The following CACNA1A variants were observed in gnomAD, a reference collection of about 807,000 sequenced individuals.
The protein encoded by CACNA1A is voltage-dependent P/Q-type calcium channel subunit alpha-1A.
A neutral mutation model predicts 262.4 loss-of-function variants in CACNA1A; 57 were observed. The observed-to-expected ratio is 0.22, with a 90% CI of 0.18 to 0.27. CACNA1A has a LOEUF of 0.27. Among genes scored for constraint, CACNA1A ranks in the 10% least tolerant of loss-of-function variants. The pLI is 1.00. For synonymous variants in CACNA1A, 1,431 were observed against 1,419.3 expected (o/e 1.01, Z -0.18); for missense variants, 2,526 against 3,562.8 (o/e 0.71, Z 7.41).
rs2057937902 is a variant in CACNA1A, at chr19:13,307,828, G to A, written c.1940C>T (p.Pro647Leu). The A allele has an allele frequency of 6.2e-7, 1 of 1,613,966 alleles. No homozygotes were observed. Among genetic ancestry groups the A allele is most frequent in the South Asian group, 1.1e-5 (1 of 91,084 alleles). Residue 647 changes from proline to leucine, a missense_variant, in exon 15 of 47, where the codon CCC (proline) becomes CTC (leucine). Around this residue, in one of 17 missense-constraint regions of CACNA1A, gnomAD observed 102 missense variants for 278.9 expected, o/e 0.37. Coordinates refer to ENST00000360228, the MANE Select transcript of CACNA1A (RefSeq NM_001127222.2). Reference sequence around the variant, plus strand: ...TGCTGGAAAAGTATCGAAGTTGGTGGGAGGAGTCCCTTCATCGAAATTAAA... The same window carrying A: ...TGCTGGAAAAGTATCGAAGTTGGTGAGAGGAGTCCCTTCATCGAAATTAAA... ...GQFNFDEGTP[P>L]TNFDTFPAAI...
intron 34 of CACNA1A, among the ~76,000 whole-genome samples, chr19:13,234,068 G>T (rs8111448): frequency 0.24 from 30,185 of 127,918 alleles, 3,704 homozygotes; most frequent in Non-Finnish European, 0.27. Context: ...AAAAAAAAAG[G>T]GCTGGGCACG....
intron 38 of CACNA1A, among the ~76,000 whole-genome samples, chr19:13,223,765 A>G (rs1417163037): frequency 6.6e-6 from 1 of 152,120 alleles, no homozygotes; most frequent in East Asian, 1.9e-4. Context: ...TCCATGAGAC[A>G]CTGCCTTACC....
intron 6 of CACNA1A, among the ~76,000 whole-genome samples, chr19:13,345,952 G>C (rs1284540550): frequency 2.7e-5 from 4 of 145,608 alleles, no homozygotes; most frequent in Non-Finnish European, 6.0e-5. Context: ...CTAGGCTGGA[G>C]TGCAGTGGGG....
rs1444251671 is a variant in CACNA1A at position 13,208,919 on chromosome 19, T to C, written c.6617A>G (p.Lys2206Arg). 1.4e-5 allele frequency: 21 copies of C among 1,537,194 alleles called. No homozygotes were observed. Among genetic ancestry groups the C allele is most frequent in the Non-Finnish European group, 1.7e-5 (20 of 1,146,854 alleles). The change falls in exon 46 of 47, where the codon AAG (lysine) becomes AGG (arginine). Residue 2206 changes from lysine to arginine, a missense_variant. Lys to Arg is a conservative substitution (Grantham distance 26). Transcript: ENST00000360228. ...DQERGRPKDR[K>R]HRQHHHHHHH... is the part of the protein sequence containing the mutation. ...GTGGTGGTGGTGGTGCTGTCGATGCTTCCGATCCTTGGGCCGGCCCCGCTC... is the reference window on the plus strand; with the variant it reads ...GTGGTGGTGGTGGTGCTGTCGATGCCTCCGATCCTTGGGCCGGCCCCGCTC...
intron 6 of CACNA1A, among the ~76,000 whole-genome samples, chr19:13,345,969 C>T (rs543952698): frequency 2.0e-4 from 29 of 142,206 alleles, no homozygotes; most frequent in African/African-American, 6.5e-4. Flanking sequence ...GGGGTGATCT[C>T]AACTCACTGC....
chr19:13,262,442 T>C (rs2056755648), intron 25 of CACNA1A: 1 of 318,034 alleles, frequency 3.1e-6, no homozygotes, highest in Admixed American at 4.4e-5. Flanking sequence ...CAGATCACGG[T>C]TATACCCTTT....
chr19:13,235,329 T>A (rs1001845887), intron 32 of CACNA1A, 55 bp from the exon 33 acceptor site: 12 of 1,478,796 alleles, frequency 8.1e-6, no homozygotes, highest in Non-Finnish European at 9.3e-6. Context: ...AGCCGCACTG[T>A]CTTCCTCCCT....
At chr19:13,233,026 G>T (rs1199786177) in intron 34 of CACNA1A, among the ~76,000 whole-genome samples, 4 of 151,198 alleles carry the variant, frequency 2.6e-5, no homozygotes, top group African/African-American at 7.3e-5. Flanking sequence ...TCCAGCCTGG[G>T]CAACAAGACC....
chr19:13,496,435 GGA>G (rs1981545793), intron 1 of CACNA1A, among the ~76,000 whole-genome samples: 1 of 152,158 alleles, frequency 6.6e-6, no homozygotes. Context: ...TGGGGAGATT[GGA>G]GAGTCTGGCA....
intron 6 of CACNA1A, among the ~76,000 whole-genome samples, chr19:13,349,799 T>G (rs1443707371): frequency 6.6e-6 from 1 of 152,074 alleles, no homozygotes; most frequent in Non-Finnish European, 1.5e-5. Context: ...TCAGAGAGTT[T>G]TATATTTTTA....
chr19:13,469,460 CTTTTTTTTTTTTT>C lies in CACNA1A; in HGVS notation c.294-14261_294-14249del, dbSNP rs1164678494. Among the ~76,000 whole-genome samples, 117 of 62,246 alleles carry C rather than the reference CTTTTTTTTTTTTT, an allele frequency of 1.9e-3. 1 individual carries two copies. The highest frequency in any genetic ancestry group is 1.8e-3 in the Admixed American group (9 of 5,020). The allele number at this position is 62,246 out of a possible 152,430, so 40.8% of individuals were successfully genotyped here. A position where few individuals can be genotyped will look rare whatever the true frequency, so the allele number is the denominator to read the frequency against. ...CCAGCATCCTTGTCTTGAACCACCT[CTTTTTTTTTTTTT>C]TTTTTTTTTTTTTTTGAGACGGAGT... On this transcript the variant is annotated intron_variant, in intron 1 of 46. Transcript: ENST00000360228.
intron 1 of CACNA1A, among the ~76,000 whole-genome samples, chr19:13,475,953 G>A (rs1015222981): frequency 3.9e-5 from 6 of 152,130 alleles, no homozygotes; most frequent in Admixed American, 3.3e-4. Context: ...AAACAGTAAC[G>A]GGATAGTGCA....
rs111649262 is a variant in CACNA1A, at chr19:13,235,421, G to A, written c.5068-147C>T. The A allele has an allele frequency of 3.8e-5, 33 of 867,490 alleles. 3 individuals are homozygous for A. The African/African-American group carries it at 4.2e-4, about 11-fold the overall frequency. The allele number at this position is 867,490 out of a possible 1,614,324, so 53.7% of individuals were successfully genotyped here. On this transcript the variant is annotated intron_variant, in intron 32 of 46. Transcript: ENST00000360228. ...TTCCAGGGCTGGTGGGCATCTCTGGGGGCTCTAGGATGAGGCCCTTACAGC... is the reference window on the plus strand; with the variant it reads ...TTCCAGGGCTGGTGGGCATCTCTGGAGGCTCTAGGATGAGGCCCTTACAGC...
intron 24 of CACNA1A, 103 bp downstream of exon 24, chr19:13,275,747 A>C (rs2057131428): frequency 7.5e-6 from 6 of 801,532 alleles, no homozygotes; most frequent in Non-Finnish European, 1.1e-5. Flanking sequence ...GAGCCCACAC[A>C]CCCCATCCCT....
At chr19:13,251,724 T>C (rs2056404430) in intron 30 of CACNA1A, among the ~76,000 whole-genome samples, 1 of 152,192 alleles carries the variant, frequency 6.6e-6, no homozygotes, top group Admixed American at 6.6e-5. Flanking sequence ...GAAGGAAATG[T>C]TAAAATTTAG....
intron 17 of CACNA1A, among the ~76,000 whole-genome samples, chr19:13,301,003 A>G (rs1325931967): frequency 1.3e-5 from 2 of 152,058 alleles, no homozygotes; most frequent in Non-Finnish European, 2.9e-5. Flanking sequence ...CCTGGAGTGC[A>G]GTGGCACAAT....
intron 1 of CACNA1A, among the ~76,000 whole-genome samples, chr19:13,499,951 TG>T (rs904416211): frequency 2.6e-5 from 4 of 151,466 alleles, no homozygotes; most frequent in Non-Finnish European, 5.9e-5. Flanking sequence ...TGCTTGCTAC[TG>T]GGGGGGAAAC....
chr19:13,388,784 A>G (rs1235915964), intron 3 of CACNA1A, among the ~76,000 whole-genome samples: 2 of 152,196 alleles, frequency 1.3e-5, no homozygotes, highest in African/African-American at 4.8e-5. Context: ...ATAGGAGTGC[A>G]TTCTCGCAAA....
chr19:13,322,924 A>G (rs1271075196), intron 10 of CACNA1A, among the ~76,000 whole-genome samples: 1 of 152,136 alleles, frequency 6.6e-6, no homozygotes, highest in African/African-American at 2.4e-5. Flanking sequence ...GTAAGGCCAC[A>G]TTTGCAGGTA....
Sources: allele counts gnomAD v4.1 joint callset (sites outside exome capture counted in the v4.1 genomes callset), GRCh38; gene constraint gnomAD v4.1.1; regional missense constraint gnomAD v4.1.1; transcripts MANE v1.5; gene names NCBI Gene and HGNC (gene_info 2026-07-23, HGNC 2026-07-21).